Variants in TLK1 observed in about 807,000 individuals in gnomAD.
TLK1 encodes the protein tousled like kinase 1, also known as serine/threonine-protein kinase tousled-like 1.
TLK1 carries 24 observed loss-of-function variants against 105.3 expected under a neutral mutation model. That is an observed-to-expected ratio of 0.23 (90% CI 0.17 to 0.32). The LOEUF (loss-of-function observed/expected upper bound fraction) is 0.32, where lower values mean the gene tolerates loss of function less well. Among genes scored for constraint, TLK1 ranks in the 10% least tolerant of loss-of-function variants. The pLI is 1.00. For synonymous variants in TLK1, 321 were observed against 310.4 expected, an observed-to-expected ratio of 1.03 and a Z score of -0.36; for missense variants, 558 against 910.5, an observed-to-expected ratio of 0.61 and a Z score of 4.98.
At chr2:171,026,659 G>A (rs1685787286) in intron 12 of TLK1, among the ~76,000 whole-genome samples, 1 of 152,072 alleles carries the variant, frequency 6.6e-6, no homozygotes, top group Non-Finnish European at 1.5e-5. Context: ...AGGCTGGTTA[G>A]AAAATAACTG....
At chr2:171,035,311 C>T (rs1242576914) in intron 11 of TLK1, among the ~76,000 whole-genome samples, 2 of 150,784 alleles carry the variant, frequency 1.3e-5, no homozygotes. Flanking sequence ...CACTGTACTC[C>T]AGCCTGGGCA....
At chr2:171,042,313 C>G (rs537232589) in intron 11 of TLK1, among the ~76,000 whole-genome samples, 1 of 152,096 alleles carries the variant, frequency 6.6e-6, no homozygotes, top group Non-Finnish European at 1.5e-5. Context: ...GTGGAGTGAT[C>G]ATAGCTCACT....
chr2:171,023,204 G>A (rs1685608433), intron 12 of TLK1: 1 of 470,332 alleles, frequency 2.1e-6, no homozygotes. Context: ...AAGAAATGGT[G>A]TCAGGTGGCA....
At chr2:171,067,014 T>G in intron 3 of TLK1, 1 of 1,494,704 alleles carries the variant, frequency 6.7e-7, no homozygotes, top group Admixed American at 2.4e-5. Flanking sequence ...TTTGACCCAT[T>G]GTGACACTCA....
intron 2 of TLK1, among the ~76,000 whole-genome samples, chr2:171,110,134 A>G (rs967491528): frequency 2.6e-5 from 4 of 152,226 alleles, no homozygotes; most frequent in Admixed American, 2.6e-4. Context: ...ATTCCTAATT[A>G]TCAAAACACT....
At chr2:171,039,353 C>T (rs1487003137) in intron 11 of TLK1, among the ~76,000 whole-genome samples, 2 of 152,186 alleles carry the variant, frequency 1.3e-5, no homozygotes, top group Admixed American at 6.5e-5. Context: ...GCAGCCTTGG[C>T]CTCCCAGGCT....
chr2:171,001,677 C>A lies in TLK1; in HGVS notation c.1905-3854G>T, dbSNP rs141019938. On this transcript the variant is annotated intron_variant, in intron 18 of 20. Coordinates refer to ENST00000431350, the MANE Select transcript of TLK1 (RefSeq NM_012290.5). ...CTTCTCTTCCTTACAAATAAATGTC[C>A]TCCGTGGCATTTTTATTTTCCAGAA... 4.5e-3 allele frequency among the ~76,000 whole-genome samples: 685 copies of A among 152,304 alleles called. 7 individuals are homozygous for A. Among genetic ancestry groups the A allele is most frequent in the African/African-American group, 0.015 (624 of 41,570 alleles).
In TLK1 at chr2:171,101,346, C is replaced by CAAAAAAAAAA. The variant is rs71401403; in HGVS notation, c.258+16383_258+16392dup. Among the ~76,000 whole-genome samples the CAAAAAAAAAA allele has an allele frequency of 2.0e-3, 130 of 63,442 alleles. 7 individuals are homozygous for CAAAAAAAAAA. Among genetic ancestry groups the CAAAAAAAAAA allele is most frequent in the African/African-American group, 7.5e-3 (104 of 13,828 alleles). The allele number at this position is 63,442 out of a possible 152,430, so 41.6% of individuals were successfully genotyped here. A position where few individuals can be genotyped will look rare whatever the true frequency, so the allele number is the denominator to read the frequency against. On this transcript the variant is annotated intron_variant, in intron 2 of 20. Coordinates refer to ENST00000431350, the MANE Select transcript of TLK1 (RefSeq NM_012290.5). ...GGACAACAAGAGTGAAACTCCGTCTCAAAAAAAAAAAAAAAAAAAGCCAGG... is the reference window on the plus strand; with the variant it reads ...GGACAACAAGAGTGAAACTCCGTCTCAAAAAAAAAAAAAAAAAAAAAAAAAAAAAGCCAGG...
At chr2:171,004,053 C>G (rs1684527687) in intron 18 of TLK1, among the ~76,000 whole-genome samples, 1 of 152,064 alleles carries the variant, frequency 6.6e-6, no homozygotes, top group Non-Finnish European at 1.5e-5. Context: ...CTCCTGGATT[C>G]AAACAATTCC....
At chr2:171,148,888 A>T (rs1691902126) in intron 1 of TLK1, among the ~76,000 whole-genome samples, 1 of 68,610 alleles carries the variant, frequency 1.5e-5, no homozygotes, top group South Asian at 5.8e-4. Context: ...TTAAAAAAAA[A>T]AAATATATAT....
intron 1 of TLK1, among the ~76,000 whole-genome samples, chr2:171,182,935 A>AAG (rs1553487149): frequency 1.6e-5 from 2 of 128,838 alleles, no homozygotes; most frequent in African/African-American, 7.2e-5. Context: ...AAAAAAAAAA[A>AAG]AAAGAAAGAA....
intron 8 of TLK1, among the ~76,000 whole-genome samples, chr2:171,051,501 G>C (rs1687235659): frequency 6.6e-6 from 1 of 152,048 alleles, no homozygotes; most frequent in Admixed American, 6.5e-5. Flanking sequence ...TTAGAACACA[G>C]ATATAATTGT....
intron 1 of TLK1, among the ~76,000 whole-genome samples, chr2:171,216,875 A>T (rs1009677436): frequency 2.0e-5 from 3 of 152,250 alleles, no homozygotes; most frequent in African/African-American, 4.8e-5. Context: ...AACCATCAGA[A>T]GCTGGAAGAG....
At chr2:171,173,653 A>G (rs890646374) in intron 1 of TLK1, among the ~76,000 whole-genome samples, 2 of 152,018 alleles carry the variant, frequency 1.3e-5, no homozygotes, top group African/African-American at 4.8e-5. Context: ...CGGCTTCCCA[A>G]AGCCTGGTAT....
At chr2:171,189,752 G>A (rs896321194) in intron 1 of TLK1, among the ~76,000 whole-genome samples, 1 of 152,140 alleles carries the variant, frequency 6.6e-6, no homozygotes, top group African/African-American at 2.4e-5. Flanking sequence ...CCATCTTTCT[G>A]TGCCTTTCCC....
At position 170,990,994 on chromosome 2, in the gene TLK1, TAGTG is replaced by T. The variant is rs1273675788; in HGVS notation, c.*2782_*2785del. 7.0e-6 allele frequency: 1 copy of T among 142,388 alleles called. No homozygotes were observed. Among genetic ancestry groups the T allele is most frequent in the Non-Finnish European group, 1.6e-5 (1 of 63,890 alleles). 8.8% of individuals were successfully genotyped at this position (142,388 alleles called of 1,614,324 possible). A position where few individuals can be genotyped will look rare whatever the true frequency, so the allele number is the denominator to read the frequency against. ...ACAGAGTTGTTTTAGAAGGAGATGG[TAGTG>T]AGTGTTTAAAAAAAAAAAAAAGATT... On this transcript the variant is annotated 3_prime_UTR_variant, in exon 21 of 21. Coordinates refer to ENST00000431350, the MANE Select transcript of TLK1 (RefSeq NM_012290.5).
intron 2 of TLK1, chr2:171,091,715 T>TTTGTTGTTGTTGTTGTTG (rs71399599): frequency 6.7e-6 from 1 of 148,260 alleles, no homozygotes; most frequent in African/African-American, 2.5e-5. Flanking sequence ...GGGGGGTGTC[T>TTTGTTGTTGTTGTTGTTG]TTGTTGTTGT....
intron 1 of TLK1, among the ~76,000 whole-genome samples, chr2:171,186,435 A>G (rs931995969): frequency 7.2e-5 from 11 of 152,194 alleles, no homozygotes; most frequent in Admixed American, 2.0e-4. Context: ...CAATGATGGG[A>G]GTAAAAGCCC....
intron 12 of TLK1, among the ~76,000 whole-genome samples, chr2:171,022,071 C>T (rs1473843951): frequency 1.0e-5 from 1 of 100,210 alleles, no homozygotes; most frequent in Admixed American, 1.2e-4. Context: ...CCACCACACT[C>T]CAGCCTGGGC....
Sources: gnomAD v4.1 joint callset for allele counts (sites outside exome capture counted in the v4.1 genomes callset) on GRCh38, gnomAD v4.1.1 for gene constraint, MANE v1.5 for transcripts, NCBI Gene and HGNC (gene_info 2026-07-23, HGNC 2026-07-21) for gene names.